RIMS2: variants seen among roughly 807,000 people sequenced by gnomAD.
RIMS2 encodes the protein regulating synaptic membrane exocytosis protein 2.
Under a neutral mutation model 174.4 loss-of-function variants are expected in RIMS2, and 59 were observed. The observed-to-expected ratio is 0.34, with a 90% confidence interval of 0.27 to 0.42. The LOEUF (loss-of-function observed/expected upper bound fraction) is 0.42, where lower values mean the gene tolerates loss of function less well. Ranked by LOEUF, RIMS2 falls within the 10% of genes least tolerant of loss-of-function variation. The pLI is 1.00. For synonymous variants in RIMS2, 606 were observed against 572.5 expected (o/e 1.06, Z -0.84); for missense variants, 1,620 against 1,666.3 (o/e 0.97, Z 0.48).
rs143387844 is a variant in RIMS2, at chr8:103,562,562, C to T, written c.176+61500C>T. Among the ~76,000 whole-genome samples the T allele has an allele frequency of 4.7e-4, 71 of 152,312 alleles. No individual in the cohort carries two copies. In the South Asian group the frequency reaches 0.011, roughly 24 times the overall value. On this transcript the variant is annotated intron_variant, in intron 1 of 23. Coordinates refer to ENST00000504942, the Ensembl canonical transcript of RIMS2. ...GCTTTGAAGGATACAGCCTCCCTCCCGCTGCCTTCATGGGCTGGCATTGAG... is the reference window on the plus strand; with the variant it reads ...GCTTTGAAGGATACAGCCTCCCTCCTGCTGCCTTCATGGGCTGGCATTGAG...
intron 1 of RIMS2, among the ~76,000 whole-genome samples, chr8:103,667,661 A>G (rs575475787): frequency 3.9e-5 from 6 of 152,326 alleles, no homozygotes; most frequent in Non-Finnish European, 7.3e-5. Flanking sequence ...CCCCTTTTCC[A>G]GTGGTATTGC....
At chr8:104,223,333 G>C (rs1396094955) in intron 19 of RIMS2, 2 of 1,092,488 alleles carry the variant, frequency 1.8e-6, no homozygotes, top group Middle Eastern at 3.9e-4. Context: ...AGGGCAGCGA[G>C]ACTCCAGCAG....
At chr8:104,075,102 T>C (rs1030342809) in intron 19 of RIMS2, among the ~76,000 whole-genome samples, 1 of 152,178 alleles carries the variant, frequency 6.6e-6, no homozygotes, top group African/African-American at 2.4e-5. Context: ...TGTTAGTATG[T>C]AACTCAGCCC....
At chr8:104,198,412 G>T (rs1423135633) in intron 19 of RIMS2, among the ~76,000 whole-genome samples, 1 of 152,154 alleles carries the variant, frequency 6.6e-6, no homozygotes, top group Admixed American at 6.6e-5. Context: ...GACAGAAGGA[G>T]AATCTTATTC....
chr8:103,630,580 CAAAA>C (rs61194218), intron 1 of RIMS2, among the ~76,000 whole-genome samples: 155 of 86,974 alleles, frequency 1.8e-3, no homozygotes, highest in African/African-American at 4.0e-3. Flanking sequence ...AACTCCATCT[CAAAA>C]AAAAAAAAAA....
intron 19 of RIMS2, among the ~76,000 whole-genome samples, chr8:104,043,073 A>G (rs2096635497): frequency 6.6e-6 from 1 of 151,672 alleles, no homozygotes; most frequent in Non-Finnish European, 1.5e-5. Context: ...CAATCAGCAG[A>G]GACAAATTCC....
chr8:104,062,977 A>C (rs1377615241), intron 19 of RIMS2, among the ~76,000 whole-genome samples: 1 of 152,076 alleles, frequency 6.6e-6, no homozygotes, highest in Non-Finnish European at 1.5e-5. Flanking sequence ...CAATTAGAAG[A>C]AAAGCCTCAG....
At chr8:103,668,578 G>A (rs2096704598) in intron 1 of RIMS2, among the ~76,000 whole-genome samples, 1 of 152,176 alleles carries the variant, frequency 6.6e-6, no homozygotes, top group African/African-American at 2.4e-5. Context: ...GTGTGTGTGT[G>A]TGAGTGTGTG....
intron 14 of RIMS2, among the ~76,000 whole-genome samples, chr8:103,945,879 G>A (rs73699011): frequency 0.23 from 34,514 of 151,848 alleles, 4,139 homozygotes; most frequent in Non-Finnish European, 0.24. Context: ...ATGACAAACC[G>A]TATTTCATGG....
intron 2 of RIMS2, among the ~76,000 whole-genome samples, chr8:103,757,317 T>C (rs1272229346): frequency 6.6e-6 from 1 of 152,168 alleles, no homozygotes; most frequent in Non-Finnish European, 1.5e-5. Flanking sequence ...TTTTTCTGTA[T>C]GTATTGATAA....
chr8:103,819,148 G>C (rs1023677806), intron 3 of RIMS2: 64 of 965,628 alleles, frequency 6.6e-5, no homozygotes, highest in Admixed American at 2.2e-4. Flanking sequence ...CCTGACGACA[G>C]CATCTATTCA....
At chr8:103,719,763 C>T (rs1055553341) in intron 2 of RIMS2, among the ~76,000 whole-genome samples, 1 of 151,986 alleles carries the variant, frequency 6.6e-6, no homozygotes, top group African/African-American at 2.4e-5. Flanking sequence ...TTCTCACAGG[C>T]CAGAACATAT....
intron 3 of RIMS2, among the ~76,000 whole-genome samples, chr8:103,837,008 T>C (rs986443178): frequency 6.6e-6 from 1 of 152,252 alleles, no homozygotes; most frequent in Non-Finnish European, 1.5e-5. Flanking sequence ...ACGTATTTTT[T>C]ATGACGGTTA....
At chr8:103,803,752 G>A (rs1162048997) in intron 3 of RIMS2, among the ~76,000 whole-genome samples, 1 of 152,188 alleles carries the variant, frequency 6.6e-6, no homozygotes, top group African/African-American at 2.4e-5. Flanking sequence ...CTGCCATGTT[G>A]TAAAAGGGCT....
At chr8:103,606,444 G>A (rs1199618954) in intron 1 of RIMS2, among the ~76,000 whole-genome samples, 1 of 152,020 alleles carries the variant, frequency 6.6e-6, no homozygotes, top group Admixed American at 6.6e-5. Flanking sequence ...TTTGGAATAA[G>A]TGTGGTGTGG....
chr8:103,849,628 G>T (rs2154492228), intron 3 of RIMS2, among the ~76,000 whole-genome samples: 1 of 152,102 alleles, frequency 6.6e-6, no homozygotes, highest in African/African-American at 2.4e-5. Context: ...CCTGGGGAGG[G>T]AATAGCAGTG....
intron 4 of RIMS2, among the ~76,000 whole-genome samples, chr8:103,889,641 T>A (rs939472008): frequency 8.9e-6 from 1 of 112,940 alleles, no homozygotes; most frequent in African/African-American, 3.0e-5. Context: ...TCTACCTAAT[T>A]TTTTTTTCTC....
At chr8:104,255,257 C>G (rs1305897652), downstream of RIMS2, 1 of 148,548 alleles carries the variant, frequency 6.7e-6, no homozygotes, top group Non-Finnish European at 1.5e-5. Context: ...CATTCCTGTT[C>G]TTTGTTGTTC....
At chr8:103,921,002 G>GCAACAACAACAACAA (rs112922890) in intron 9 of RIMS2, 3 of 195,068 alleles carry the variant, frequency 1.5e-5, no homozygotes, top group Admixed American at 5.6e-5. Flanking sequence ...CTGTCTCAAA[G>GCAACAACAACAACAA]CAACAACAAC....
Sources: allele counts gnomAD v4.1 joint callset (sites outside exome capture counted in the v4.1 genomes callset), GRCh38; gene constraint gnomAD v4.1.1; transcripts MANE v1.5; gene names NCBI Gene and HGNC (gene_info 2026-07-23, HGNC 2026-07-21).